The following SGCZ variants were observed in gnomAD, a reference collection of about 807,000 sequenced individuals.
SGCZ encodes the protein zeta-sarcoglycan.
SGCZ carries 40 observed loss-of-function variants against 41.3 expected under a neutral mutation model. The observed-to-expected ratio is 0.97, with a 90% CI of 0.75 to 1.26. The LOEUF (loss-of-function observed/expected upper bound fraction) is 1.26, where lower values mean the gene tolerates loss of function less well. Ranked by LOEUF, SGCZ falls within the 50% of genes most tolerant of loss-of-function variation. The pLI is 0.00. For missense variants in SGCZ, 552 were observed against 369.8 expected (o/e 1.49, Z -4.04); for synonymous variants, 206 against 137.5 (o/e 1.50, Z -3.49).
chr8:14,958,839 T>A (rs1800876883), intron 1 of SGCZ, among the ~76,000 whole-genome samples: 1 of 152,016 alleles, frequency 6.6e-6, no homozygotes, highest in Non-Finnish European at 1.5e-5. Flanking sequence ...AAAGGTTGAA[T>A]GACAGAGAAA....
At chr8:14,275,761 G>A (rs1172239697) in intron 3 of SGCZ, among the ~76,000 whole-genome samples, 1 of 152,120 alleles carries the variant, frequency 6.6e-6, no homozygotes, top group Non-Finnish European at 1.5e-5. Context: ...TTTGTGCAAT[G>A]GAATCCTTCT....
At chr8:14,795,571 T>G (rs975715219) in intron 1 of SGCZ, among the ~76,000 whole-genome samples, 2 of 152,296 alleles carry the variant, frequency 1.3e-5, no homozygotes, top group East Asian at 1.9e-4. Flanking sequence ...GCCTCCCATG[T>G]AACTAGCACA....
intron 4 of SGCZ, among the ~76,000 whole-genome samples, chr8:14,219,438 G>C (rs552138296): frequency 6.6e-6 from 1 of 152,156 alleles, no homozygotes. Flanking sequence ...CTGCACGTTG[G>C]ACAACCAGCA....
At chr8:14,874,841 C>G (rs1322075030) in intron 1 of SGCZ, among the ~76,000 whole-genome samples, 1 of 152,118 alleles carries the variant, frequency 6.6e-6, no homozygotes, top group Non-Finnish European at 1.5e-5. Context: ...TCACCTTCCT[C>G]CAGTTATCCA....
At chr8:14,432,709 T>A (rs1415406764) in intron 2 of SGCZ, among the ~76,000 whole-genome samples, 3 of 151,258 alleles carry the variant, frequency 2.0e-5, no homozygotes, top group African/African-American at 7.3e-5. Flanking sequence ...AGGTCGGGAG[T>A]TCGAGACCAG....
At chr8:14,671,229 G>A (rs1028658525) in intron 1 of SGCZ, among the ~76,000 whole-genome samples, 7 of 152,114 alleles carry the variant, frequency 4.6e-5, no homozygotes, top group Non-Finnish European at 7.4e-5. Flanking sequence ...GATGGTTCTC[G>A]CAGTGGTGTC....
chr8:14,689,040 A>G (rs1808714266), intron 1 of SGCZ, among the ~76,000 whole-genome samples: 1 of 152,136 alleles, frequency 6.6e-6, no homozygotes, highest in Non-Finnish European at 1.5e-5. Context: ...ACAGTCAGTG[A>G]ATTTTCTTAT....
intron 1 of SGCZ, among the ~76,000 whole-genome samples, chr8:14,987,863 G>T (rs1387087367): frequency 1.3e-5 from 2 of 151,952 alleles, no homozygotes; most frequent in African/African-American, 4.8e-5. Flanking sequence ...GTATTAAATT[G>T]CCAGTAGTGT....
intron 2 of SGCZ, among the ~76,000 whole-genome samples, chr8:14,379,886 C>A (rs759806945): frequency 2.0e-5 from 3 of 151,962 alleles, no homozygotes; most frequent in Non-Finnish European, 4.4e-5. Context: ...AGTGTGCCAC[C>A]ACGCCCGCCT....
intron 1 of SGCZ, among the ~76,000 whole-genome samples, chr8:15,095,106 A>AT (rs1806293497): frequency 6.6e-6 from 1 of 151,854 alleles, no homozygotes; most frequent in African/African-American, 2.4e-5. Context: ...ATTTTATCTT[A>AT]TTTTTTTGTG....
intron 2 of SGCZ, among the ~76,000 whole-genome samples, chr8:14,359,306 C>T (rs377471846): frequency 5.9e-5 from 9 of 152,252 alleles, no homozygotes; most frequent in African/African-American, 2.2e-4. Flanking sequence ...CCTGTGTTCA[C>T]ATTGAGTACA....
chr8:14,347,550 T>G lies in SGCZ; in HGVS notation c.235-23346A>C, dbSNP rs1802931553. On this transcript the variant is annotated intron_variant, in intron 2 of 7. Coordinates refer to ENST00000382080, the MANE Select transcript of SGCZ (RefSeq NM_139167.4). The stretch of plus-strand genomic sequence containing the variant: ...CATAAAATTACCACAGACTTTGTAT[T>G]TAATTTTTTTCTCCCACTTTTTTTT... Among the ~76,000 whole-genome samples the G allele has an allele frequency of 2.0e-5, 3 of 148,008 alleles. No homozygotes were observed. The South Asian group carries it at 6.6e-4, about 33-fold the overall frequency.
At chr8:14,250,354 G>A (rs1312236285) in intron 3 of SGCZ, among the ~76,000 whole-genome samples, 1 of 152,062 alleles carries the variant, frequency 6.6e-6, no homozygotes, top group Non-Finnish European at 1.5e-5. Flanking sequence ...ATTTCCATGG[G>A]AAAGACTGCT....
At chr8:14,524,478 C>T (rs1480182924) in intron 2 of SGCZ, among the ~76,000 whole-genome samples, 3 of 152,050 alleles carry the variant, frequency 2.0e-5, no homozygotes, top group African/African-American at 7.2e-5. Flanking sequence ...GGGTCTCCTT[C>T]CCAAAAGGCA....
At chr8:15,225,655 C>G (rs1801745420) in intron 1 of SGCZ, among the ~76,000 whole-genome samples, 1 of 152,104 alleles carries the variant, frequency 6.6e-6, no homozygotes, top group Non-Finnish European at 1.5e-5. Context: ...CAATGAATTT[C>G]AAACAAGTGA....
chr8:14,892,982 C>T (rs1438883893), intron 1 of SGCZ, among the ~76,000 whole-genome samples: 3 of 152,168 alleles, frequency 2.0e-5, no homozygotes, highest in Admixed American at 1.3e-4. Flanking sequence ...TTCTTCCATA[C>T]AGAGCATATG....
At chr8:14,761,279 T>C (rs1799863096) in intron 1 of SGCZ, among the ~76,000 whole-genome samples, 1 of 152,064 alleles carries the variant, frequency 6.6e-6, no homozygotes. Flanking sequence ...TCCTTAAATA[T>C]TATATTAAAA....
intron 2 of SGCZ, among the ~76,000 whole-genome samples, chr8:14,344,040 G>T (rs1288811063): frequency 1.3e-5 from 2 of 152,048 alleles, no homozygotes; most frequent in East Asian, 1.9e-4. Flanking sequence ...GAATTAAATG[G>T]AAATTCCAGA....
chr8:15,120,199 A>C (rs1294837583), intron 1 of SGCZ, among the ~76,000 whole-genome samples: 5 of 152,248 alleles, frequency 3.3e-5, no homozygotes, highest in African/African-American at 1.2e-4. Context: ...TGAACGAATG[A>C]TAAATAAGAT....
Sources: gnomAD v4.1 joint callset for allele counts (sites outside exome capture counted in the v4.1 genomes callset) on GRCh38, gnomAD v4.1.1 for gene constraint, MANE v1.5 for transcripts, NCBI Gene and HGNC (gene_info 2026-07-23, HGNC 2026-07-21) for gene names.